TMEM114: variants seen among roughly 807,000 people sequenced by gnomAD.
TMEM114 encodes claudin-26.
In TMEM114, 6 loss-of-function variants were observed where a neutral mutation model predicts 6.2. The observed-to-expected ratio is 0.97, with a 90% CI of 0.53 to 1.91. The LOEUF (loss-of-function observed/expected upper bound fraction) is 1.91, where lower values mean the gene tolerates loss of function less well. Among genes scored for constraint, TMEM114 ranks in the 40% most tolerant of loss-of-function variants. TMEM114 has a pLI of 0.01. For missense variants in TMEM114, 218 were observed against 158.3 expected, an observed-to-expected ratio of 1.38 and a Z score of -2.02; for synonymous variants, 104 against 73.0, an observed-to-expected ratio of 1.42 and a Z score of -2.16.
chr16:8,580,873 G>T (rs998168116), intron 2 of TMEM114, among the ~76,000 whole-genome samples: 1 of 152,040 alleles, frequency 6.6e-6, no homozygotes, highest in Non-Finnish European at 1.5e-5. Context: ...TGTATTCTTG[G>T]TAGAGACAGC....
downstream of TMEM114, among the ~76,000 whole-genome samples, chr16:8,565,704 T>A (rs1901518712): frequency 6.6e-6 from 1 of 152,162 alleles, no homozygotes; most frequent in Non-Finnish European, 1.5e-5. Context: ...GCCGGTCCGT[T>A]CACACAACAG....
At chr16:8,527,566 G>A in the TMEM114 span, among the ~76,000 whole-genome samples, 1 of 152,022 alleles carries the variant, frequency 6.6e-6, no homozygotes, top group African/African-American at 2.4e-5. Context: ...ATGGAATTTT[G>A]CGTGTTTTTA....
chr16:8,558,739 C>A (rs1596475557), intron 2 of TMEM114, among the ~76,000 whole-genome samples: 1 of 133,042 alleles, frequency 7.5e-6, no homozygotes, highest in African/African-American at 3.0e-5. Flanking sequence ...ATGATTGCAC[C>A]CAGTTCTTTT....
At chr16:8,562,022 G>C (rs868818862) in intron 2 of TMEM114, among the ~76,000 whole-genome samples, 7 of 150,776 alleles carry the variant, frequency 4.6e-5, no homozygotes, top group African/African-American at 1.5e-4. Flanking sequence ...CTGAATGTGT[G>C]AGTGAATGAG....
intron 2 of TMEM114, among the ~76,000 whole-genome samples, chr16:8,559,438 T>G (rs1171523663): frequency 2.0e-5 from 3 of 152,084 alleles, no homozygotes; most frequent in African/African-American, 7.2e-5. Flanking sequence ...GCTTCAAGCA[T>G]TACAGGTGAA....
rs537248507 is a variant in TMEM114, at chr16:8,577,111, A to G, written c.302-4887T>C. On this transcript the variant is annotated intron_variant, in intron 2 of 3. Transcript: ENST00000620492. ...AGAGGAGCTGCCTCAATGAGCTTCA[A>G]TTTTCTCATTTGAAAAATGGAACTG... is the stretch of plus-strand genomic sequence containing the variant. Among the ~76,000 whole-genome samples the G allele has an allele frequency of 2.6e-5, 4 of 152,340 alleles. No individual in the cohort carries two copies. The East Asian group carries it at 5.8e-4, about 22-fold the overall frequency.
At chr16:8,562,554 G>A (rs1033655065) in intron 2 of TMEM114, among the ~76,000 whole-genome samples, 4 of 85,090 alleles carry the variant, frequency 4.7e-5, no homozygotes, top group African/African-American at 1.6e-4. Context: ...ATGAGTGAGT[G>A]CGTCAATGAG....
At chr16:8,542,289 C>A (rs192236389) in intron 2 of TMEM114, among the ~76,000 whole-genome samples, 2 of 152,180 alleles carry the variant, frequency 1.3e-5, no homozygotes, top group Non-Finnish European at 1.5e-5. Context: ...GTGTTCTTTT[C>A]CCTGTTTTAA....
At position 8,564,329 on chromosome 16, in the gene TMEM114, G is replaced by C. The variant is rs137868436; in HGVS notation, n.212+24884C>G. On this transcript the variant is annotated intron_variant and non_coding_transcript_variant, in intron 2 of 2. Transcript: ENST00000623677. ...ATGAAATAAGTGAATGAGTGAGTTA[G>C]AGAATGAGTCAGTGAGAGAATGAGT... is the stretch of plus-strand genomic sequence containing the variant. Among the ~76,000 whole-genome samples, 452 of 138,606 alleles carry C rather than the reference G, an allele frequency of 3.3e-3. 6 individuals are homozygous for C. Among genetic ancestry groups the C allele is most frequent in the Middle Eastern group, 0.015 (4 of 274 alleles). The allele number at this position is 138,606 out of a possible 152,430, so 90.9% of individuals were successfully genotyped here.
chr16:8,557,180 C>G (rs1337980253), intron 2 of TMEM114, among the ~76,000 whole-genome samples: 1 of 152,156 alleles, frequency 6.6e-6, no homozygotes, highest in African/African-American at 2.4e-5. Context: ...TATGTTCCCT[C>G]CTTGTGAATC....
At chr16:8,547,697 C>G (rs549081474) in intron 2 of TMEM114, among the ~76,000 whole-genome samples, 99 of 152,220 alleles carry the variant, frequency 6.5e-4, no homozygotes, top group African/African-American at 2.2e-3. Flanking sequence ...AGCCAGCACG[C>G]TCTCTTTACT....
rs75046007 is a variant in TMEM114, at chr16:8,539,163, G to A, written n.213-1337C>T. On this transcript the variant is annotated intron_variant and non_coding_transcript_variant, in intron 2 of 2. Coordinates refer to the TMEM114 transcript ENST00000623677. ...TTGCCATGGAACATGTGACCCATAT[G>A]AATAACGTCTGCCTGGTGTGCGGTG... Among the ~76,000 whole-genome samples the A allele has an allele frequency of 8.4e-3, 1,277 of 152,262 alleles. 24 individuals carry two copies. The highest frequency in any genetic ancestry group is 0.029 in the African/African-American group (1,208 of 41,552).
chr16:8,579,423 T>G (rs1434126330), intron 2 of TMEM114, among the ~76,000 whole-genome samples: 1 of 152,166 alleles, frequency 6.6e-6, no homozygotes, highest in Non-Finnish European at 1.5e-5. Context: ...GCAGCCCTGT[T>G]ATGCCTGGTA....
At chr16:8,572,272 C>G (rs1408808308) in intron 2 of TMEM114, 48 bp from the exon 3 acceptor site, 1 of 1,549,624 alleles carries the variant, frequency 6.5e-7, no homozygotes, top group Admixed American at 2.0e-5. Context: ...TTACTAACAT[C>G]CTTCATTCAA....
intron 2 of TMEM114, 83 bp from the exon 3 acceptor site, chr16:8,572,307 A>C (rs1477234162): frequency 6.7e-7 from 1 of 1,483,452 alleles, no homozygotes; most frequent in East Asian, 2.5e-5. Flanking sequence ...CCGAGCACCT[A>C]CTAGAGCTGG....
chr16:8,550,919 A>G (rs1329264418), intron 2 of TMEM114, among the ~76,000 whole-genome samples: 1 of 152,154 alleles, frequency 6.6e-6, no homozygotes, highest in Non-Finnish European at 1.5e-5. Context: ...GACTGAGCAA[A>G]ACATTCCTGG....
At chr16:8,531,385 C>T in the TMEM114 span, among the ~76,000 whole-genome samples, 1 of 152,214 alleles carries the variant, frequency 6.6e-6, no homozygotes, top group African/African-American at 2.4e-5. Flanking sequence ...CCAACCCCCT[C>T]CTTGGAACAC....
downstream of TMEM114, among the ~76,000 whole-genome samples, chr16:8,565,803 G>A (rs1244712343): frequency 6.6e-6 from 1 of 152,134 alleles, no homozygotes; most frequent in African/African-American, 2.4e-5. Flanking sequence ...GCCCAGGTCC[G>A]CCCTCGAGGG....
chr16:8,586,071 G>A (rs532217201), intron 2 of TMEM114, among the ~76,000 whole-genome samples: 1 of 152,184 alleles, frequency 6.6e-6, no homozygotes, highest in South Asian at 2.1e-4. Context: ...ATTGTGGTTA[G>A]CCATCCAATT....
Sources: allele counts gnomAD v4.1 joint callset (sites outside exome capture counted in the v4.1 genomes callset), GRCh38; gene constraint gnomAD v4.1.1; transcripts MANE v1.5; gene names NCBI Gene and HGNC (gene_info 2026-07-23, HGNC 2026-07-21).